Variants in CSMD1 observed in about 807,000 individuals in gnomAD.
CSMD1 encodes CUB and sushi domain-containing protein 1.
Under a neutral mutation model 417.5 loss-of-function variants are expected in CSMD1, and 213 were observed. That is an observed-to-expected ratio of 0.51 (90% CI 0.46 to 0.57). The LOEUF is 0.57. CSMD1 is among the 20% of genes least tolerant of loss of function. The pLI, the probability that CSMD1 is intolerant of heterozygous loss-of-function variation, is 0.00. For missense variants in CSMD1, 6,923 were observed against 4,529.7 expected (o/e 1.53, Z -15.17); for synonymous variants, 2,862 against 1,736.8 (o/e 1.65, Z -16.11).
chr8:3,997,615 T>C (rs978016947), intron 5 of CSMD1, among the ~76,000 whole-genome samples: 1 of 152,278 alleles, frequency 6.6e-6, no homozygotes, highest in Non-Finnish European at 1.5e-5. Flanking sequence ...AACCCAAAAC[T>C]AACTCACCTT....
chr8:3,861,709 T>C (rs1804721709), intron 5 of CSMD1, among the ~76,000 whole-genome samples: 1 of 152,198 alleles, frequency 6.6e-6, no homozygotes, highest in Admixed American at 6.6e-5. Flanking sequence ...TTGGTTTTTA[T>C]TCGTTTTGTG....
Position 4,737,034 on chromosome 8 carries a change from T to C in CSMD1, c.86-99476A>G, listed in dbSNP as rs1810289290. 2.6e-5 allele frequency among the ~76,000 whole-genome samples: 4 copies of C among 152,186 alleles called. No individual in the cohort carries two copies. The South Asian group carries it at 8.3e-4, about 31-fold the overall frequency. Reference sequence around the variant, plus strand: ...ATTCTATCATAAAGACATATGCACATGTAAGTTTATTGCAGCATGATTCAC... The same window carrying C: ...ATTCTATCATAAAGACATATGCACACGTAAGTTTATTGCAGCATGATTCAC... On this transcript the variant is annotated intron_variant, in intron 1 of 69. Transcript: ENST00000635120.
At position 4,090,361 on chromosome 8, in the gene CSMD1, TA is replaced by T. The variant is rs1302707431; in HGVS notation, c.416-58263del. Among the ~76,000 whole-genome samples, 15 of 152,322 alleles carry T rather than the reference TA, an allele frequency of 9.8e-5. No individual in the cohort carries two copies. The South Asian group carries it at 1.9e-3, about 19-fold the overall frequency. ...GTCATTATCTATCATGCCTTAAAAA[TA>T]AATTACAAAGTGTCAGATTTTCCAC... On this transcript the variant is annotated intron_variant, in intron 3 of 69. Transcript: ENST00000635120.
chr8:3,813,787 T>C (rs1486908326), intron 5 of CSMD1, among the ~76,000 whole-genome samples: 2 of 152,132 alleles, frequency 1.3e-5, no homozygotes, highest in African/African-American at 4.8e-5. Flanking sequence ...TCTCACTCTA[T>C]TAATGTCTTC....
chr8:3,478,132 C>G (rs1817534376), intron 11 of CSMD1, among the ~76,000 whole-genome samples: 1 of 152,186 alleles, frequency 6.6e-6, no homozygotes, highest in African/African-American at 2.4e-5. Flanking sequence ...GTATGGCAGA[C>G]TTTATTTACT....
chr8:3,429,618 T>C (rs1156670397), intron 12 of CSMD1, among the ~76,000 whole-genome samples: 1 of 152,184 alleles, frequency 6.6e-6, no homozygotes. Flanking sequence ...CGAGGGGTGG[T>C]GAAAACAAGG....
chr8:3,323,215 C>G (rs970401748), intron 23 of CSMD1, among the ~76,000 whole-genome samples: 1 of 152,198 alleles, frequency 6.6e-6, no homozygotes, highest in Non-Finnish European at 1.5e-5. Context: ...CACATCACAG[C>G]AAGATTAAAA....
intron 5 of CSMD1, among the ~76,000 whole-genome samples, chr8:3,839,484 ATATT>A (rs1802968409): frequency 1.6e-5 from 2 of 125,486 alleles, no homozygotes; most frequent in Non-Finnish European, 3.2e-5. Context: ...ATTATATTAT[ATATT>A]TATATATTAA....
intron 1 of CSMD1, among the ~76,000 whole-genome samples, chr8:4,700,521 T>A (rs1486420353): frequency 6.6e-6 from 1 of 152,128 alleles, no homozygotes; most frequent in Non-Finnish European, 1.5e-5. Flanking sequence ...TGAAAAGGTG[T>A]CTAATAGAGA....
intron 6 of CSMD1, among the ~76,000 whole-genome samples, chr8:3,742,300 T>G (rs920256324): frequency 3.3e-5 from 5 of 152,206 alleles, no homozygotes; most frequent in African/African-American, 1.2e-4. Context: ...TACAAATGTT[T>G]ATGAAATCTG....
chr8:3,745,000 G>C (rs1040436564), intron 6 of CSMD1, among the ~76,000 whole-genome samples: 1 of 152,132 alleles, frequency 6.6e-6, no homozygotes, highest in Non-Finnish European at 1.5e-5. Flanking sequence ...CTGGGGCTGG[G>C]AGGCTCTTAG....
chr8:4,606,993 G>T (rs1238648718), intron 2 of CSMD1, among the ~76,000 whole-genome samples: 1 of 152,156 alleles, frequency 6.6e-6, no homozygotes, highest in African/African-American at 2.4e-5. Flanking sequence ...ATTTTTTCAT[G>T]TGGCACCATA....
chr8:3,355,133 G>A (rs1203742685), intron 21 of CSMD1, among the ~76,000 whole-genome samples: 1 of 151,766 alleles, frequency 6.6e-6, no homozygotes, highest in Admixed American at 6.6e-5. Context: ...TTTCTACTTT[G>A]TCAAGCAAAT....
intron 6 of CSMD1, among the ~76,000 whole-genome samples, chr8:3,738,390 T>G (rs1796631692): frequency 6.6e-6 from 1 of 152,218 alleles, no homozygotes; most frequent in Admixed American, 6.5e-5. Flanking sequence ...TACATTCTTC[T>G]CATAAAATAT....
intron 2 of CSMD1, among the ~76,000 whole-genome samples, chr8:4,615,050 A>T (rs1297555224): frequency 6.6e-6 from 1 of 152,198 alleles, no homozygotes; most frequent in Non-Finnish European, 1.5e-5. Context: ...CAGATGAGAA[A>T]GGCTTCCTAT....
intron 11 of CSMD1, among the ~76,000 whole-genome samples, chr8:3,490,641 G>C (rs1043505017): frequency 6.6e-6 from 1 of 152,036 alleles, no homozygotes; most frequent in Non-Finnish European, 1.5e-5. Context: ...GGAAAAGACA[G>C]GCAGAGAGAA....
rs377750229 is a variant in CSMD1, at chr8:4,163,909, T to C, written c.416-131810A>G. 6.8e-4 allele frequency among the ~76,000 whole-genome samples: 104 copies of C among 152,312 alleles called. 1 individual carries two copies. The South Asian group carries it at 0.021, about 30-fold the overall frequency. On this transcript the variant is annotated intron_variant, in intron 3 of 69. Coordinates refer to ENST00000635120, the MANE Select transcript of CSMD1 (RefSeq NM_033225.6). ...TGGGTTTGAATCAAGGTTTGGTTAC[T>C]CGTTAGGTGACTTTCCATCTGTTAT... is the stretch of plus-strand genomic sequence containing the variant.
At chr8:3,469,802 A>G (rs1816982533) in intron 11 of CSMD1, among the ~76,000 whole-genome samples, 1 of 152,208 alleles carries the variant, frequency 6.6e-6, no homozygotes, top group Non-Finnish European at 1.5e-5. Flanking sequence ...TTATATGTGA[A>G]GTAACTCATG....
At chr8:4,614,511 T>C (rs1801363563) in intron 2 of CSMD1, among the ~76,000 whole-genome samples, 1 of 152,208 alleles carries the variant, frequency 6.6e-6, no homozygotes, top group South Asian at 2.1e-4. Context: ...AAGATTCATA[T>C]ACTAATAAGA....
Sources: allele counts gnomAD v4.1 joint callset (sites outside exome capture counted in the v4.1 genomes callset), GRCh38; gene constraint gnomAD v4.1.1; transcripts MANE v1.5; gene names NCBI Gene and HGNC (gene_info 2026-07-23, HGNC 2026-07-21).